Variants in LRRC4C observed in about 807,000 individuals in gnomAD.
LRRC4C encodes leucine rich repeat containing 4C.
In LRRC4C, 5 loss-of-function variants were observed where a neutral mutation model predicts 33.6. The observed-to-expected ratio is 0.15, with a 90% CI of 0.08 to 0.31. The LOEUF (loss-of-function observed/expected upper bound fraction) is 0.31, where lower values mean the gene tolerates loss of function less well. Ranked by LOEUF, LRRC4C falls within the 10% of genes least tolerant of loss-of-function variation. LRRC4C has a pLI of 1.00. For missense variants in LRRC4C, 560 were observed against 796.7 expected (o/e 0.70, Z 3.58); for synonymous variants, 329 against 302.0 (o/e 1.09, Z -0.93).
chr11:41,121,505 T>A (rs1942429275), intron 1 of LRRC4C, among the ~76,000 whole-genome samples: 1 of 152,234 alleles, frequency 6.6e-6, no homozygotes, highest in Non-Finnish European at 1.5e-5. Context: ...CCTTCCTAGA[T>A]GTACTAGGCA....
At chr11:40,608,570 C>T (rs532622677) in intron 3 of LRRC4C, among the ~76,000 whole-genome samples, 50 of 152,054 alleles carry the variant, frequency 3.3e-4, no homozygotes, top group African/African-American at 1.1e-3. Context: ...AAATTAATTA[C>T]CTTTCCAATC....
At chr11:40,234,395 T>A (rs1442256523) in intron 5 of LRRC4C, among the ~76,000 whole-genome samples, 2 of 152,190 alleles carry the variant, frequency 1.3e-5, no homozygotes, top group African/African-American at 4.8e-5. Flanking sequence ...ATCCACTGAC[T>A]GAGCTCTTAA....
In LRRC4C at chr11:40,803,669, A is replaced by G. The variant is rs377282760; in HGVS notation, c.-407+129966T>C. On this transcript the variant is annotated intron_variant, in intron 2 of 6. Coordinates refer to ENST00000528697, the MANE Select transcript of LRRC4C (RefSeq NM_001258419.2). ...CGCTCTGTCACCCAGATGGGGTTTC[A>G]CCGTCTCTACTAAAAGGATGGTCTC... Among the ~76,000 whole-genome samples, 6 of 152,222 alleles carry G rather than the reference A, an allele frequency of 3.9e-5. No homozygotes were observed. In the South Asian group the frequency reaches 6.2e-4, roughly 16 times the overall value.
intron 1 of LRRC4C, among the ~76,000 whole-genome samples, chr11:41,283,700 C>T (rs76191164): frequency 0.01 from 1,586 of 152,250 alleles, 21 homozygotes; most frequent in South Asian, 0.028. Context: ...ATAAGACCCA[C>T]AAAGTCTCAA....
At chr11:40,304,240 C>A (rs1183677775) in intron 4 of LRRC4C, among the ~76,000 whole-genome samples, 1 of 152,082 alleles carries the variant, frequency 6.6e-6, no homozygotes, top group African/African-American at 2.4e-5. Flanking sequence ...ACAAGTAATG[C>A]AATTAAATTA....
intron 1 of LRRC4C, among the ~76,000 whole-genome samples, chr11:41,438,517 A>T (rs1045992628): frequency 2.0e-5 from 3 of 152,208 alleles, no homozygotes; most frequent in Non-Finnish European, 4.4e-5. Context: ...GGAAATTGGG[A>T]TATAAACGAT....
At chr11:40,922,581 A>G (rs1468456184) in intron 2 of LRRC4C, among the ~76,000 whole-genome samples, 1 of 152,186 alleles carries the variant, frequency 6.6e-6, no homozygotes, top group African/African-American at 2.4e-5. Flanking sequence ...TTCGTCACCA[A>G]AAGTACACCC....
At chr11:41,014,361 T>C (rs953730766) in intron 1 of LRRC4C, among the ~76,000 whole-genome samples, 1 of 152,132 alleles carries the variant, frequency 6.6e-6, no homozygotes, top group African/African-American at 2.4e-5. Flanking sequence ...CCAGGTCTAG[T>C]TGCCTCCAAA....
intron 1 of LRRC4C, among the ~76,000 whole-genome samples, chr11:41,329,055 G>A (rs572776697): frequency 2.1e-3 from 323 of 152,254 alleles, no homozygotes; most frequent in Non-Finnish European, 3.6e-3. Context: ...AATAATAAAA[G>A]CAAACAAGCA....
intron 2 of LRRC4C, among the ~76,000 whole-genome samples, chr11:40,711,361 C>G (rs1946457168): frequency 6.6e-6 from 1 of 152,120 alleles, no homozygotes; most frequent in Non-Finnish European, 1.5e-5. Flanking sequence ...ACACCCAAGT[C>G]CATGACCTTA....
chr11:40,739,050 T>C (rs1282505663), intron 2 of LRRC4C, among the ~76,000 whole-genome samples: 1 of 146,178 alleles, frequency 6.8e-6, no homozygotes, highest in Non-Finnish European at 1.5e-5. Flanking sequence ...TGTGTGTGTG[T>C]GTGGTGAGAA....
chr11:41,281,843 C>T (rs1329987286), intron 1 of LRRC4C, among the ~76,000 whole-genome samples: 2 of 152,172 alleles, frequency 1.3e-5, no homozygotes, highest in Non-Finnish European at 2.9e-5. Context: ...AGCAGTCATG[C>T]TCAGGCTATA....
intron 1 of LRRC4C, among the ~76,000 whole-genome samples, chr11:41,176,499 T>C (rs1945204282): frequency 6.6e-6 from 1 of 152,176 alleles, no homozygotes; most frequent in Non-Finnish European, 1.5e-5. Flanking sequence ...TGCATAACTA[T>C]CAAATGTCAG....
At chr11:41,014,377 T>G (rs1330425904) in intron 1 of LRRC4C, among the ~76,000 whole-genome samples, 2 of 151,988 alleles carry the variant, frequency 1.3e-5, no homozygotes, top group African/African-American at 4.8e-5. Flanking sequence ...CCAAAGAATC[T>G]CCTCCTCCAT....
intron 2 of LRRC4C, among the ~76,000 whole-genome samples, chr11:40,688,323 C>T (rs1945060331): frequency 6.6e-6 from 1 of 152,118 alleles, no homozygotes; most frequent in Non-Finnish European, 1.5e-5. Context: ...TTAGCTTTAC[C>T]TGTGAATTTA....
chr11:40,432,905 T>C (rs1299100690), intron 3 of LRRC4C, among the ~76,000 whole-genome samples: 1 of 152,212 alleles, frequency 6.6e-6, no homozygotes, highest in Non-Finnish European at 1.5e-5. Context: ...AGACCCAATG[T>C]TAGCAATGAA....
At chr11:40,910,389 T>C (rs1199327227) in intron 2 of LRRC4C, among the ~76,000 whole-genome samples, 1 of 152,180 alleles carries the variant, frequency 6.6e-6, no homozygotes, top group African/African-American at 2.4e-5. Flanking sequence ...AGATGTTCTT[T>C]AAGAAATTAT....
chr11:41,362,888 T>C (rs561874161), intron 1 of LRRC4C, among the ~76,000 whole-genome samples: 1 of 152,170 alleles, frequency 6.6e-6, no homozygotes, highest in Non-Finnish European at 1.5e-5. Flanking sequence ...TCCATCTGCT[T>C]CTGTCACATG....
At chr11:40,419,053 G>A (rs1448612403) in intron 3 of LRRC4C, among the ~76,000 whole-genome samples, 1 of 151,976 alleles carries the variant, frequency 6.6e-6, no homozygotes. Context: ...TGGGTTGATA[G>A]GTGCAGCCAA....
Sources: gnomAD v4.1 joint callset for allele counts (sites outside exome capture counted in the v4.1 genomes callset) on GRCh38, gnomAD v4.1.1 for gene constraint, MANE v1.5 for transcripts, NCBI Gene and HGNC (gene_info 2026-07-23, HGNC 2026-07-21) for gene names.